The following SULF2 variants were observed in gnomAD, a reference collection of about 807,000 sequenced individuals.
SULF2 encodes the protein sulfatase 2, also known as extracellular sulfatase Sulf-2.
Under a neutral mutation model 107.7 loss-of-function variants are expected in SULF2, and 52 were observed. That is an observed-to-expected ratio of 0.48 (90% CI 0.39 to 0.61). SULF2 has a LOEUF of 0.61. Among genes scored for constraint, SULF2 ranks in the 20% least tolerant of loss-of-function variants. The pLI, the probability that SULF2 is intolerant of heterozygous loss-of-function variation, is 0.00. For synonymous variants in SULF2, 460 were observed against 464.3 expected, an observed-to-expected ratio of 0.99 and a Z score of 0.12; for missense variants, 993 against 1,177.3, an observed-to-expected ratio of 0.84 and a Z score of 2.29.
intron 2 of SULF2, among the ~76,000 whole-genome samples, chr20:47,754,552 G>A (rs1600654523): frequency 6.6e-6 from 1 of 152,124 alleles, no homozygotes; most frequent in African/African-American, 2.4e-5. Context: ...GGCAAGACTT[G>A]TAGGCCCTAA....
At chr20:47,670,133 C>T (rs374321094) in intron 11 of SULF2, among the ~76,000 whole-genome samples, 4 of 152,108 alleles carry the variant, frequency 2.6e-5, no homozygotes, top group East Asian at 1.9e-4. Flanking sequence ...CTGCGCCTGC[C>T]GTCAGAGACC....
intron 1 of SULF2, among the ~76,000 whole-genome samples, chr20:47,773,751 A>C (rs936114990): frequency 1.3e-5 from 2 of 152,200 alleles, no homozygotes; most frequent in Admixed American, 6.5e-5. Context: ...TTCACGCCTA[A>C]CTGTGGGCTG....
chr20:47,715,485 C>T (rs923303806), intron 3 of SULF2, among the ~76,000 whole-genome samples: 3 of 152,132 alleles, frequency 2.0e-5, no homozygotes, highest in African/African-American at 7.2e-5. Flanking sequence ...GACGAGACCT[C>T]GATGAACGTT....
At chr20:47,733,960 T>A (rs780971929) in intron 3 of SULF2, among the ~76,000 whole-genome samples, 1 of 152,158 alleles carries the variant, frequency 6.6e-6, no homozygotes. Context: ...TTCAAACGAG[T>A]ATCACAAACA....
At chr20:47,729,936 G>A (rs561965911) in intron 3 of SULF2, among the ~76,000 whole-genome samples, 7 of 152,252 alleles carry the variant, frequency 4.6e-5, no homozygotes, top group Non-Finnish European at 8.8e-5. Flanking sequence ...AGTCTCATTT[G>A]TTGGGGATGC....
intron 2 of SULF2, among the ~76,000 whole-genome samples, chr20:47,754,619 G>C (rs1053317837): frequency 1.3e-5 from 2 of 152,160 alleles, no homozygotes; most frequent in African/African-American, 4.8e-5. Flanking sequence ...AACACCAGGG[G>C]CTCTAAACCC....
At chr20:47,763,393 T>C (rs1489569954) in intron 1 of SULF2, among the ~76,000 whole-genome samples, 1 of 152,222 alleles carries the variant, frequency 6.6e-6, no homozygotes, top group East Asian at 1.9e-4. Context: ...AACAAACACC[T>C]GGGACCTCAT....
intron 3 of SULF2, among the ~76,000 whole-genome samples, chr20:47,725,897 A>G (rs1250113795): frequency 6.6e-6 from 1 of 152,206 alleles, no homozygotes; most frequent in Admixed American, 6.5e-5. Context: ...GGATTCCCAA[A>G]GGACTCGCTG....
chr20:47,731,729 G>C (rs1467677531), intron 3 of SULF2, among the ~76,000 whole-genome samples: 1 of 152,226 alleles, frequency 6.6e-6, no homozygotes, highest in African/African-American at 2.4e-5. Context: ...TCCATTTTCA[G>C]CTTTGCCAGA....
intron 3 of SULF2, among the ~76,000 whole-genome samples, chr20:47,731,187 C>CTTTTTTTTTTTTTTTTTTTT (rs71183273): frequency 1.6e-4 from 13 of 81,178 alleles, no homozygotes; most frequent in South Asian, 4.2e-4. Flanking sequence ...TGTATCTTCT[C>CTTTTTTTTTTTTTTTTTTTT]TTTTTTTTTT....
chr20:47,665,558 A>G (rs1416473483), intron 13 of SULF2, among the ~76,000 whole-genome samples: 1 of 152,222 alleles, frequency 6.6e-6, no homozygotes, highest in African/African-American at 2.4e-5. Context: ...CGCTGAGCCC[A>G]CTGAGGCCTC....
intron 1 of SULF2, among the ~76,000 whole-genome samples, chr20:47,767,275 T>C (rs1167130599): frequency 6.6e-6 from 1 of 152,216 alleles, no homozygotes. Flanking sequence ...AAGTGCCCAA[T>C]AAATGCTGGC....
chr20:47,742,957 T>G (rs914972958), intron 2 of SULF2, among the ~76,000 whole-genome samples: 3 of 66,530 alleles, frequency 4.5e-5, no homozygotes, highest in African/African-American at 6.7e-5. Context: ...TTTTTTTTTT[T>G]GCCATTCCTG....
chr20:47,785,671 G>A (rs1439229567), upstream of SULF2, among the ~76,000 whole-genome samples: 2 of 146,662 alleles, frequency 1.4e-5, no homozygotes, highest in African/African-American at 2.5e-5. Flanking sequence ...TTGGCACGGC[G>A]CTACCGCCCC....
chr20:47,770,842 G>A (rs2090616315), intron 1 of SULF2, among the ~76,000 whole-genome samples: 2 of 152,188 alleles, frequency 1.3e-5, no homozygotes, highest in African/African-American at 4.8e-5. Context: ...CGGCCTTGCA[G>A]TGGGGTCTGA....
At chr20:47,785,558 C>A (rs2122796997), upstream of SULF2, 1 of 146,838 alleles carries the variant, frequency 6.8e-6, no homozygotes, top group East Asian at 2.0e-4. Flanking sequence ...CGCCCCCGGC[C>A]CCCTCCCCGC....
intron 17 of SULF2, among the ~76,000 whole-genome samples, chr20:47,662,863 G>A (rs1363944989): frequency 6.6e-6 from 1 of 151,878 alleles, no homozygotes; most frequent in Admixed American, 6.6e-5. Flanking sequence ...GCAGGGTGAT[G>A]GAGGCAAAAA....
intron 2 of SULF2, among the ~76,000 whole-genome samples, chr20:47,737,746 C>CTTTTTTT (rs1555850608): frequency 1.8e-5 from 2 of 113,976 alleles, no homozygotes; most frequent in African/African-American, 6.6e-5. Flanking sequence ...TTGTTTCTTT[C>CTTTTTTT]TTTTCTTTGT....
chr20:47,762,394 G>T (rs1384318334), intron 1 of SULF2, among the ~76,000 whole-genome samples: 14 of 152,212 alleles, frequency 9.2e-5, no homozygotes, highest in Admixed American at 8.5e-4. Context: ...TCCAGTCTCT[G>T]CTCTGAGCTG....
Sources: gnomAD v4.1 joint callset for allele counts (sites outside exome capture counted in the v4.1 genomes callset) on GRCh38, gnomAD v4.1.1 for gene constraint, MANE v1.5 for transcripts, NCBI Gene and HGNC (gene_info 2026-07-23, HGNC 2026-07-21) for gene names.